Variants in TRIP10 observed in about 807,000 individuals in gnomAD.
The protein encoded by TRIP10 is thyroid hormone receptor interactor 10, also known as cdc42-interacting protein 4.
TRIP10 carries 54 observed loss-of-function variants against 80.9 expected under a neutral mutation model. The observed-to-expected ratio is 0.67, with a 90% confidence interval of 0.54 to 0.84. The LOEUF is 0.84. Ranked by LOEUF, TRIP10 falls within the 40% of genes least tolerant of loss-of-function variation. The pLI is 0.00. For synonymous variants in TRIP10, 321 were observed against 307.2 expected (o/e 1.04, Z -0.47); for missense variants, 773 against 815.3 (o/e 0.95, Z 0.63).
rs1272615008 is a variant in TRIP10, at chr19:6,745,626, G to A, written c.985-403G>A. 7 of 984,948 alleles carry A rather than the reference G, an allele frequency of 7.1e-6. No homozygotes were observed. The highest frequency in any genetic ancestry group is 8.4e-6 in the Non-Finnish European group (7 of 829,896). The allele number at this position is 984,948 out of a possible 1,614,324, so 61.0% of individuals were successfully genotyped here. Reference sequence around the variant, plus strand: ...GTCTGAGACCTTGATTCCTGCATGCGTCTTCTAGACTGTCAGCCCAGAAAG... The same window carrying A: ...GTCTGAGACCTTGATTCCTGCATGCATCTTCTAGACTGTCAGCCCAGAAAG... On this transcript the variant is annotated intron_variant, in intron 9 of 14. Transcript: ENST00000313244. The surrounding 1 kb of genome is among the most constrained non-coding windows in gnomAD (Gnocchi z 7.2).
chr19:6,748,825 G>C (rs1969203652), intron 11 of TRIP10: 1 of 152,096 alleles, frequency 6.6e-6, no homozygotes, highest in Non-Finnish European at 1.5e-5. Context: ...GAAGGAAGTT[G>C]AGCTCAGATC....
rs754493537 is a variant in TRIP10, at chr19:6,745,086, G to T, written c.984+92G>T. The T allele has an allele frequency of 1.4e-5, 20 of 1,447,514 alleles. No individual in the cohort carries two copies. Among genetic ancestry groups the T allele is most frequent in the South Asian group, 6.9e-5 (5 of 72,004 alleles). The allele number at this position is 1,447,514 out of a possible 1,614,324, so 89.7% of individuals were successfully genotyped here. A position where few individuals can be genotyped will look rare whatever the true frequency, so the allele number is the denominator to read the frequency against. On this transcript the variant is annotated intron_variant, in intron 9 of 14. Coordinates refer to ENST00000313244, the MANE Select transcript of TRIP10 (RefSeq NM_001288962.2). This position sits in a 1 kb window ranked among gnomAD's most constrained non-coding sequence, Gnocchi z 7.2. ...TTGAGTCAGCCCCAGCCGCCTGAACGCCGAGTCTCGGGCAGGAATTTTCCT... is the reference window on the plus strand; with the variant it reads ...TTGAGTCAGCCCCAGCCGCCTGAACTCCGAGTCTCGGGCAGGAATTTTCCT...
At chr19:6,749,873 A>G in intron 11 of TRIP10, 61 bp from the exon 12 acceptor site, 4 of 1,577,642 alleles carry the variant, frequency 2.5e-6, no homozygotes, top group Non-Finnish European at 3.4e-6. Context: ...ACAAAACAAC[A>G]GCAACAAAAA....
rs1434234637 is a variant in TRIP10 at position 6,750,059 on chromosome 19, A to G, written c.1388A>G (p.Lys463Arg). ...GAACGGCTGAAATTGGAAGTGCAGA[A>G]GTATGAGGTCAGGAAAGACCCTGGG... ...NIERLKLEVQ[K>R]YEAWLAEAES... The change falls in exon 12 of 15, where the codon AAG (lysine) becomes AGG (arginine). Residue 463 changes from lysine (K) to arginine (R), a missense_variant. Physicochemically the swap from Lys to Arg is conservative, Grantham distance 26 (BLOSUM62 2). Coordinates refer to ENST00000313244, the MANE Select transcript of TRIP10 (RefSeq NM_001288962.2). 1 of 1,428,178 alleles carries G rather than the reference A, an allele frequency of 7.0e-7. No individual in the cohort carries two copies. 88.5% of individuals were successfully genotyped at this position (1,428,178 alleles called of 1,614,324 possible).
chr19:6,739,687 C>T lies in TRIP10; in HGVS notation c.-75C>T. The T allele has an allele frequency of 1.6e-6, 2 of 1,229,296 alleles. No individual in the cohort carries two copies. The highest frequency in any genetic ancestry group is 2.0e-6 in the Non-Finnish European group (2 of 982,664). 76.1% of individuals were successfully genotyped at this position (1,229,296 alleles called of 1,614,324 possible). ...GGCGCACCGCCCTCGGCTGAGTCTC[C>T]CCGGGGAGGGCGGCGGGCGGCGGGC... On this transcript the variant is annotated 5_prime_UTR_variant, in exon 1 of 15. Transcript: ENST00000313244.
chr19:6,749,997 C>T lies in TRIP10; in HGVS notation c.1326C>T (p.Ser442=). Residue 442 remains serine, a synonymous_variant, in exon 12 of 15, where the codon AGC becomes AGT. Coordinates refer to ENST00000313244, the MANE Select transcript of TRIP10 (RefSeq NM_001288962.2). Reference sequence around the variant, plus strand: ...CACCTCAGATGGGGGACCCCGCCAGCTTGGAGCCCCAGATCGCTGAAACCC... The same window carrying T: ...CACCTCAGATGGGGGACCCCGCCAGTTTGGAGCCCCAGATCGCTGAAACCC... The part of the protein sequence containing the change: ...EKTPQMGDPA[S]LEPQIAETLS... 1 of 1,613,768 alleles carries T rather than the reference C, an allele frequency of 6.2e-7. No individual in the cohort carries two copies. The highest frequency in any genetic ancestry group is 8.5e-7 in the Non-Finnish European group (1 of 1,179,922).
At position 6,751,164 on chromosome 19, in the gene TRIP10, G is replaced by A; in HGVS notation, c.1759G>A (p.Gly587Ser). ...GWTRVRRKEG[G>S]EGYVPTSYLR... Reference sequence around the variant, plus strand: ...GACCCGGGTCAGGCGGAAAGAGGGAGGCGAGGGCTACGTGCCCACCTCCTA... The same window carrying A: ...GACCCGGGTCAGGCGGAAAGAGGGAAGCGAGGGCTACGTGCCCACCTCCTA... Residue 587 changes from glycine (G) to serine (S), a missense_variant, in exon 15 of 15, where the codon GGC becomes AGC. Physicochemically the swap from Gly to Ser is moderately conservative, Grantham distance 56. Transcript: ENST00000313244. The A allele has an allele frequency of 6.2e-7, 1 of 1,613,906 alleles. No homozygotes were observed. The highest frequency in any genetic ancestry group is 1.1e-5 in the South Asian group (1 of 91,044).
chr19:6,750,196 T>G lies in TRIP10; in HGVS notation c.1396-96T>G. 3.2e-6 allele frequency: 5 copies of G among 1,579,736 alleles called. No individual in the cohort carries two copies. The South Asian group carries it at 3.5e-5, about 11-fold the overall frequency. On this transcript the variant is annotated intron_variant, in intron 12 of 14. Coordinates refer to ENST00000313244, the MANE Select transcript of TRIP10 (RefSeq NM_001288962.2). ...CTCCAGCTGTTTTCCATCACAGCCT[T>G]GGCTGTGCGTGGGTGATCTCAGGGA...
At chr19:6,741,192 G>C (rs1438405550) in intron 2 of TRIP10, 33 bp from the exon 3 acceptor site, 13 of 1,612,950 alleles carry the variant, frequency 8.1e-6, no homozygotes, top group African/African-American at 1.3e-5. Flanking sequence ...GGAGGGCTGC[G>C]GGCTCAGCCC....
rs1361666259 is a variant in TRIP10 at position 6,740,886 on chromosome 19, G to C, written c.25-124G>C. On this transcript the variant is annotated intron_variant, in intron 1 of 14. Coordinates refer to ENST00000313244, the MANE Select transcript of TRIP10 (RefSeq NM_001288962.2). Reference sequence around the variant, plus strand: ...CCGCGCCACGCCGGGGCGGCGCCGGGAAGCCACTCCTTCTAGGAGCGCAGA... The same window carrying C: ...CCGCGCCACGCCGGGGCGGCGCCGGCAAGCCACTCCTTCTAGGAGCGCAGA... The C allele has an allele frequency of 5.0e-6, 4 of 798,000 alleles. No homozygotes were observed. In the East Asian group the frequency reaches 1.1e-4, roughly 22 times the overall value. The allele number at this position is 798,000 out of a possible 1,614,324, so 49.4% of individuals were successfully genotyped here. A position where few individuals can be genotyped will look rare whatever the true frequency, so the allele number is the denominator to read the frequency against.
chr19:6,741,256 C>T lies in TRIP10; in HGVS notation c.172C>T (p.Pro58Ser). The change falls in exon 3 of 15, where the codon CCT becomes TCT. Residue 58 changes from proline to serine, a missense_variant. By Grantham distance (74) the Pro-to-Ser change is moderately conservative. Coordinates refer to ENST00000313244, the MANE Select transcript of TRIP10 (RefSeq NM_001288962.2). ...SLVKKYLPKR[P>S]AKDDPESKFS... ...GGTGAAAAAATATCTGCCCAAGAGA[C>T]CTGCCAAGGATGATCCTGAGTCCAA... 6.2e-7 allele frequency: 1 copy of T among 1,611,464 alleles called. No homozygotes were observed. Among genetic ancestry groups the T allele is most frequent in the Admixed American group, 1.7e-5 (1 of 59,342 alleles).
intron 11 of TRIP10, among the ~76,000 whole-genome samples, chr19:6,747,671 T>C (rs1056195413): frequency 8.5e-5 from 13 of 152,174 alleles, no homozygotes; most frequent in Admixed American, 4.6e-4. Context: ...CACGCGCCTG[T>C]AATTCCAGCT....
At position 6,746,061 on chromosome 19, in the gene TRIP10, C is replaced by G; in HGVS notation, c.1017C>G (p.Gly339=). The G allele has an allele frequency of 9.2e-7, 1 of 1,084,204 alleles. No individual in the cohort carries two copies. The highest frequency in any genetic ancestry group is 1.2e-6 in the Non-Finnish European group (1 of 832,146). 67.2% of individuals were successfully genotyped at this position (1,084,204 alleles called of 1,614,324 possible). The change falls in exon 10 of 15, where the codon GGC becomes GGG. Residue 339 remains glycine (G), a synonymous_variant. Coordinates refer to ENST00000313244, the MANE Select transcript of TRIP10 (RefSeq NM_001288962.2). The surrounding 1 kb of genome is among the most constrained non-coding windows in gnomAD (Gnocchi z 6.2). ...PRPPPLSPLG[G]PVPSALPNGP... ...CCCCACCCCTCTCCCCCCTGGGGGG[C>G]CCCGTACCCTCGGCATTGCCTAACG...
chr19:6,746,307 GCCCAA>G lies in TRIP10; in HGVS notation c.1152+116_1152+120del. The stretch of plus-strand genomic sequence containing the variant: ...CTGGCTGGGCCCCTCTTCCCTGGTT[GCCCAA>G]CCCAGACCTGCTTTGCTCTGTGCAT... On this transcript the variant is annotated intron_variant, in intron 10 of 14. Transcript: ENST00000313244. This position sits in a 1 kb window ranked among gnomAD's most constrained non-coding sequence, Gnocchi z 6.2. The G allele has an allele frequency of 6.7e-7, 1 of 1,494,546 alleles. No homozygotes were observed. Among genetic ancestry groups the G allele is most frequent in the Non-Finnish European group, 9.0e-7 (1 of 1,114,898 alleles). The allele number at this position is 1,494,546 out of a possible 1,614,324, so 92.6% of individuals were successfully genotyped here.
Position 6,744,357 on chromosome 19 carries a change from C to T in TRIP10, c.643-197C>T, listed in dbSNP as rs954870167. Among the ~76,000 whole-genome samples the T allele has an allele frequency of 2.0e-5, 3 of 152,184 alleles. No individual in the cohort carries two copies. The highest frequency in any genetic ancestry group is 7.2e-5 in the African/African-American group (3 of 41,438). On this transcript the variant is annotated intron_variant, in intron 7 of 14. Transcript: ENST00000313244. This position sits in a 1 kb window ranked among gnomAD's most constrained non-coding sequence, Gnocchi z 4.9. ...TGCTGACCCCCTAGGCACGCGTCCC[C>T]CTCTGAGATCCCCCTGGCCCTGTGT... is the stretch of plus-strand genomic sequence containing the variant.
chr19:6,751,166 C>T lies in TRIP10; in HGVS notation c.1761C>T (p.Gly587=), dbSNP rs147390840. 5.6e-6 allele frequency: 9 copies of T among 1,613,460 alleles called. No individual in the cohort carries two copies. Among genetic ancestry groups the T allele is most frequent in the East Asian group, 2.2e-5 (1 of 44,842 alleles). The change falls in exon 15 of 15, where the codon GGC becomes GGT. Residue 587 remains glycine (G), a synonymous_variant. Transcript: ENST00000313244. ...GWTRVRRKEG[G]EGYVPTSYLR... Reference sequence around the variant, plus strand: ...CCCGGGTCAGGCGGAAAGAGGGAGGCGAGGGCTACGTGCCCACCTCCTACC... The same window carrying T: ...CCCGGGTCAGGCGGAAAGAGGGAGGTGAGGGCTACGTGCCCACCTCCTACC...
At chr19:6,742,321 C>T (rs919202285) in intron 3 of TRIP10, among the ~76,000 whole-genome samples, 23 of 151,816 alleles carry the variant, frequency 1.5e-4, no homozygotes, top group African/African-American at 2.2e-4. Context: ...ACCCGGGAGG[C>T]GGAGGTTGCA....
chr19:6,751,334 C>T lies in TRIP10; in HGVS notation c.*123C>T, dbSNP rs770456391. 28 of 1,521,424 alleles carry T rather than the reference C, an allele frequency of 1.8e-5. No individual in the cohort carries two copies. The African/African-American group carries it at 3.7e-4, about 20-fold the overall frequency. The allele number at this position is 1,521,424 out of a possible 1,614,324, so 94.2% of individuals were successfully genotyped here. A position where few individuals can be genotyped will look rare whatever the true frequency, so the allele number is the denominator to read the frequency against. ...CGGCTGAGACCTGTGTAACCTGCTGCCCCCTCCACCCCCAACCCAGTCCTA... is the reference window on the plus strand; with the variant it reads ...CGGCTGAGACCTGTGTAACCTGCTGTCCCCTCCACCCCCAACCCAGTCCTA... On this transcript the variant is annotated 3_prime_UTR_variant, in exon 15 of 15. Coordinates refer to ENST00000313244, the MANE Select transcript of TRIP10 (RefSeq NM_001288962.2).
Position 6,750,002 on chromosome 19 carries a change from A to T in TRIP10, c.1331A>T (p.Glu444Val). 1 of 1,614,100 alleles carries T rather than the reference A, an allele frequency of 6.2e-7. No individual in the cohort carries two copies. The highest frequency in any genetic ancestry group is 8.5e-7 in the Non-Finnish European group (1 of 1,180,004). ...CAGATGGGGGACCCCGCCAGCTTGGAGCCCCAGATCGCTGAAACCCTGAGC... is the reference window on the plus strand; with the variant it reads ...CAGATGGGGGACCCCGCCAGCTTGGTGCCCCAGATCGCTGAAACCCTGAGC... Reference protein sequence around the residue: ...TPQMGDPASLEPQIAETLSNI... With the variant: ...TPQMGDPASLVPQIAETLSNI... The change falls in exon 12 of 15, where the codon GAG becomes GTG. Residue 444 changes from glutamate to valine, a missense_variant. Transcript: ENST00000313244.
Sources: allele counts gnomAD v4.1 joint callset (sites outside exome capture counted in the v4.1 genomes callset), GRCh38; gene constraint gnomAD v4.1.1; non-coding constraint Gnocchi (gnomAD v3.1); transcripts MANE v1.5; gene names NCBI Gene and HGNC (gene_info 2026-07-23, HGNC 2026-07-21).